Variants in ATP8A1 observed in about 807,000 individuals in gnomAD.
ATP8A1 encodes the protein phospholipid-transporting ATPase IA.
ATP8A1 carries 90 observed loss-of-function variants against 177.7 expected under a neutral mutation model. The observed-to-expected ratio is 0.51, with a 90% CI of 0.43 to 0.60. The LOEUF (loss-of-function observed/expected upper bound fraction) is 0.60, where lower values mean the gene tolerates loss of function less well. Ranked by LOEUF, ATP8A1 falls within the 20% of genes least tolerant of loss-of-function variation. ATP8A1 has a pLI of 0.00. For synonymous variants in ATP8A1, 493 were observed against 485.9 expected (o/e 1.01, Z -0.19); for missense variants, 1,072 against 1,392.8 (o/e 0.77, Z 3.67).
At chr4:42,612,045 T>C (rs1453076909) in intron 5 of ATP8A1, among the ~76,000 whole-genome samples, 1 of 152,164 alleles carries the variant, frequency 6.6e-6, no homozygotes, top group Non-Finnish European at 1.5e-5. Flanking sequence ...AGACAAACTA[T>C]TGTATTGACA....
At chr4:42,515,794 C>G (rs184098341) in intron 22 of ATP8A1, among the ~76,000 whole-genome samples, 17 of 152,308 alleles carry the variant, frequency 1.1e-4, no homozygotes, top group Admixed American at 8.5e-4. Context: ...TGCCACGCAG[C>G]GGTGCTCAGA....
chr4:42,507,863 G>C (rs1004281399), intron 22 of ATP8A1, among the ~76,000 whole-genome samples: 4 of 130,672 alleles, frequency 3.1e-5, no homozygotes, highest in Non-Finnish European at 6.2e-5. Flanking sequence ...TTGCTGACCT[G>C]TTTAAAAACA....
At position 42,549,057 on chromosome 4, in the gene ATP8A1, C is replaced by A. The variant is rs144542894; in HGVS notation, c.1608G>T (p.Gly536=). Residue 536 remains glycine, a synonymous_variant, in exon 19 of 37, where the codon GGG becomes GGT. Transcript: ENST00000381668. ...TPDSVIIDSL[G]QEERYELLNV... ...TGAGCAATTCATATCTTTCTTCCTGCCCCAGCTAAGAAGAAAAGGAATATA... is the reference window on the plus strand; with the variant it reads ...TGAGCAATTCATATCTTTCTTCCTGACCCAGCTAAGAAGAAAAGGAATATA... The A allele has an allele frequency of 6.2e-7, 1 of 1,610,120 alleles. No individual in the cohort carries two copies. The highest frequency in any genetic ancestry group is 2.2e-5 in the East Asian group (1 of 44,754).
intron 27 of ATP8A1, 102 bp from the exon 28 acceptor site, chr4:42,455,701 C>T: frequency 1.0e-6 from 1 of 971,694 alleles, no homozygotes; most frequent in Non-Finnish European, 1.5e-6. Flanking sequence ...GCAGCATTAA[C>T]ATATTATACT....
chr4:42,579,679 T>C, intron 11 of ATP8A1, 134 bp downstream of exon 11: 1 of 841,258 alleles, frequency 1.2e-6, no homozygotes, highest in Non-Finnish European at 1.8e-6. Context: ...CACTGAAAAA[T>C]AAAGATCAAA....
At chr4:42,597,364 C>A (rs1247012504) in intron 6 of ATP8A1, among the ~76,000 whole-genome samples, 4 of 152,196 alleles carry the variant, frequency 2.6e-5, no homozygotes, top group Non-Finnish European at 4.4e-5. Flanking sequence ...TGCTTTTGTG[C>A]CTGTTCGCTT....
At chr4:42,553,035 T>C (rs1057506312) in intron 16 of ATP8A1, among the ~76,000 whole-genome samples, 5 of 152,172 alleles carry the variant, frequency 3.3e-5, no homozygotes, top group Admixed American at 6.5e-5. Flanking sequence ...CATAAAAACA[T>C]AGCTGTTATA....
chr4:42,416,692 T>C (rs1475706360), intron 35 of ATP8A1, among the ~76,000 whole-genome samples: 1 of 152,132 alleles, frequency 6.6e-6, no homozygotes, highest in East Asian at 1.9e-4. Context: ...CAGGCAAGCT[T>C]TTCTCTGTCA....
chr4:42,466,011 G>A (rs1379997749), intron 25 of ATP8A1, among the ~76,000 whole-genome samples: 5 of 123,522 alleles, frequency 4.0e-5, no homozygotes, highest in African/African-American at 1.3e-4. Context: ...CAGCCTGGGC[G>A]ACAGAGCAAG....
At chr4:42,537,129 T>A in intron 20 of ATP8A1, among the ~76,000 whole-genome samples, 3 of 121,546 alleles carry the variant, frequency 2.5e-5, no homozygotes, top group Admixed American at 8.7e-5. Context: ...CGAAACTCCG[T>A]CTCAAAAAAA....
chr4:42,428,031 G>A (rs761526053), intron 33 of ATP8A1, among the ~76,000 whole-genome samples: 23 of 152,210 alleles, frequency 1.5e-4, no homozygotes, highest in Admixed American at 5.2e-4. Flanking sequence ...TGCATCCCTC[G>A]GTCTGAATGT....
rs886112259 is a variant in ATP8A1 at position 42,472,345 on chromosome 4, G to C, written c.2325-7269C>G. 5.0e-5 allele frequency: 21 copies of C among 420,396 alleles called. No homozygotes were observed. In the Admixed American group the frequency reaches 5.6e-4, roughly 11 times the overall value. The allele number at this position is 420,396 out of a possible 1,614,324, so 26.0% of individuals were successfully genotyped here. Reference sequence around the variant, plus strand: ...TGTCTATAAGCAGCTCACAGGCGAGGATGTTAATTTTGAATTCCCAGAGTT... The same window carrying C: ...TGTCTATAAGCAGCTCACAGGCGAGCATGTTAATTTTGAATTCCCAGAGTT... On this transcript the variant is annotated intron_variant, in intron 25 of 36. Transcript: ENST00000381668.
intron 24 of ATP8A1, among the ~76,000 whole-genome samples, chr4:42,501,923 T>C (rs1421945895): frequency 6.6e-6 from 1 of 152,204 alleles, no homozygotes; most frequent in Non-Finnish European, 1.5e-5. Context: ...TGTTAATCCA[T>C]TCAGCCACAG....
At chr4:42,637,915 A>G (rs768823253) in intron 1 of ATP8A1, among the ~76,000 whole-genome samples, 2 of 152,224 alleles carry the variant, frequency 1.3e-5, no homozygotes, top group Non-Finnish European at 2.9e-5. Context: ...TATGTAAAAG[A>G]CCATCATACA....
chr4:42,546,957 A>G (rs1261150452), intron 19 of ATP8A1, among the ~76,000 whole-genome samples: 3 of 151,750 alleles, frequency 2.0e-5, no homozygotes, highest in Non-Finnish European at 4.4e-5. Context: ...TCAGCCTTCC[A>G]TTTCCCCCTC....
chr4:42,536,018 CACAA>C (rs534546700), intron 20 of ATP8A1, among the ~76,000 whole-genome samples: 204 of 152,182 alleles, frequency 1.3e-3, no homozygotes, highest in African/African-American at 3.4e-3. Context: ...TCTGAAAGAG[CACAA>C]ACAGACAATC....
At chr4:42,576,511 A>G (rs886169786) in intron 12 of ATP8A1, among the ~76,000 whole-genome samples, 1 of 145,870 alleles carries the variant, frequency 6.9e-6, no homozygotes, top group African/African-American at 2.5e-5. Context: ...AAAAAAGAGC[A>G]TAGTTTTTTA....
At chr4:42,475,800 G>A (rs143218092) in intron 25 of ATP8A1, among the ~76,000 whole-genome samples, 9,625 of 152,216 alleles carry the variant, frequency 0.063, 968 homozygotes, top group African/African-American at 0.22. Flanking sequence ...CGCTTTGGGA[G>A]GCCGAGGTGG....
Position 42,547,653 on chromosome 4 carries a change from T to A in ATP8A1, c.1652+1360A>T, listed in dbSNP as rs573137972. On this transcript the variant is annotated intron_variant, in intron 19 of 36. Transcript: ENST00000381668. ...GACATGAAAAGAAAGAGACGAGGAG[T>A]GCACTTTGAAAATACTCCATTCTGT... 3.3e-5 allele frequency among the ~76,000 whole-genome samples: 5 copies of A among 152,006 alleles called. No homozygotes were observed. The South Asian group carries it at 1.0e-3, about 32-fold the overall frequency.
Sources: gnomAD v4.1 joint callset for allele counts (sites outside exome capture counted in the v4.1 genomes callset) on GRCh38, gnomAD v4.1.1 for gene constraint, MANE v1.5 for transcripts, NCBI Gene and HGNC (gene_info 2026-07-23, HGNC 2026-07-21) for gene names.